KLF4: variants seen among roughly 807,000 people sequenced by gnomAD.
KLF4 encodes KLF transcription factor 4, also known as Krueppel-like factor 4.
In KLF4, 14 loss-of-function variants were observed where a neutral mutation model predicts 38.0. The ratio of observed to expected loss-of-function variants is 0.37; its 90% CI spans 0.24 to 0.58. The LOEUF (loss-of-function observed/expected upper bound fraction) is 0.58. KLF4 is among the 20% of genes least tolerant of loss of function. The pLI is 0.76. For missense variants in KLF4, 737 were observed against 670.1 expected (o/e 1.10, Z -1.10); for synonymous variants, 398 against 302.5 (o/e 1.32, Z -3.28).
chr9:107,488,532 C>A lies in KLF4; in HGVS notation c.127-265G>T. The A allele has an allele frequency of 1.8e-6, 1 of 550,408 alleles. No homozygotes were observed. Among genetic ancestry groups the A allele is most frequent in the South Asian group, 2.7e-5 (1 of 37,192 alleles). The allele number at this position is 550,408 out of a possible 1,614,324, so 34.1% of individuals were successfully genotyped here. Reference sequence around the variant, plus strand: ...GCGCCGCGGCTGGTCCCTCCCCCTCCAGGTCCCGTGGACGTCCCCGGAATT... The same window carrying A: ...GCGCCGCGGCTGGTCCCTCCCCCTCAAGGTCCCGTGGACGTCCCCGGAATT... On this transcript the variant is annotated intron_variant, in intron 2 of 4. Transcript: ENST00000374672. This position sits in a 1 kb window ranked among gnomAD's most constrained non-coding sequence, Gnocchi z 5.7.
In KLF4 at chr9:107,485,948, A is replaced by T. The variant is rs777967553; in HGVS notation, c.1265-22T>A. On this transcript the variant is annotated intron_variant, in intron 4 of 4. Transcript: ENST00000374672. The surrounding 1 kb of genome is among the most constrained non-coding windows in gnomAD (Gnocchi z 4.9). ...TCACCTGTAAAGGTAAAAGAAAAAA[A>T]AAATTGACGCTATTGCTATATCAAA... 1 of 1,597,670 alleles carries T rather than the reference A, an allele frequency of 6.3e-7. No individual in the cohort carries two copies. Among genetic ancestry groups the T allele is most frequent in the South Asian group, 1.1e-5 (1 of 87,540 alleles).
chr9:107,488,791 C>G lies in KLF4; in HGVS notation c.126+139G>C. 8.2e-7 allele frequency: 1 copy of G among 1,217,044 alleles called. No individual in the cohort carries two copies. Among genetic ancestry groups the G allele is most frequent in the Non-Finnish European group, 1.1e-6 (1 of 885,186 alleles). The allele number at this position is 1,217,044 out of a possible 1,614,324, so 75.4% of individuals were successfully genotyped here. A position where few individuals can be genotyped will look rare whatever the true frequency, so the allele number is the denominator to read the frequency against. On this transcript the variant is annotated intron_variant, in intron 2 of 4. Transcript: ENST00000374672. This position sits in a 1 kb window ranked among gnomAD's most constrained non-coding sequence, Gnocchi z 5.7. ...CTGAGCCAAGGACACGGAAGCTATCCCGGGAAGGTTGCGGAGTCCGCGCGG... is the reference window on the plus strand; with the variant it reads ...CTGAGCCAAGGACACGGAAGCTATCGCGGGAAGGTTGCGGAGTCCGCGCGG...
chr9:107,487,419 C>A lies in KLF4; in HGVS notation c.975G>T (p.Leu325=). The A allele has an allele frequency of 6.6e-7, 1 of 1,519,550 alleles. No homozygotes were observed. The highest frequency in any genetic ancestry group is 2.3e-5 in the East Asian group (1 of 43,060). The allele number at this position is 1,519,550 out of a possible 1,614,324, so 94.1% of individuals were successfully genotyped here. The change falls in exon 3 of 5, where the codon CTG becomes CTT. Residue 325 remains leucine (L), a synonymous_variant. Coordinates refer to ENST00000374672, the MANE Select transcript of KLF4 (RefSeq NM_004235.6). The surrounding 1 kb of genome is among the most constrained non-coding windows in gnomAD (Gnocchi z 6.1). ...TTPTLGLEEV[L]SSRDCHPALP... ...GGGCAGGGTGACAGTCCCTGCTGCT[C>A]AGCACTTCCTCAAGACCCAGGGTCG...
Position 107,488,248 on chromosome 9 carries a change from G to T in KLF4, c.146C>A (p.Ser49Tyr). The T allele has an allele frequency of 6.2e-7, 1 of 1,607,346 alleles. No individual in the cohort carries two copies. Among genetic ancestry groups the T allele is most frequent in the South Asian group, 1.1e-5 (1 of 90,780 alleles). The change falls in exon 3 of 5, where the codon TCC becomes TAC. Residue 49 changes from serine to tyrosine, a missense_variant. Coordinates refer to ENST00000374672, the MANE Select transcript of KLF4 (RefSeq NM_004235.6). This position sits in a 1 kb window ranked among gnomAD's most constrained non-coding sequence, Gnocchi z 5.7. The stretch of plus-strand genomic sequence containing the variant: ...CACTGGGGGAAGTCGCTTCATGTGG[G>T]AGAGCTCCTCCCGCCAGCGCTGCGG... ...APNNRWREEL[S>Y]HMKRLPPVLP...
rs1564295424 is a variant in KLF4 at position 107,488,511 on chromosome 9, C to T, written c.127-244G>A. 4 of 636,100 alleles carry T rather than the reference C, an allele frequency of 6.3e-6. No individual in the cohort carries two copies. The highest frequency in any genetic ancestry group is 3.5e-5 in the Admixed American group (1 of 28,344). 39.4% of individuals were successfully genotyped at this position (636,100 alleles called of 1,614,324 possible). A position where few individuals can be genotyped will look rare whatever the true frequency, so the allele number is the denominator to read the frequency against. ...TGCCCAATTGCGTGTGAGCGAGCGC[C>T]GCGGCTGGTCCCTCCCCCTCCAGGT... On this transcript the variant is annotated intron_variant, in intron 2 of 4. Transcript: ENST00000374672. The surrounding 1 kb of genome is among the most constrained non-coding windows in gnomAD (Gnocchi z 5.7).
chr9:107,489,084 T>C, intron 1 of KLF4, 34 bp from the exon 2 acceptor site: 1 of 1,550,734 alleles, frequency 6.4e-7, no homozygotes, highest in Non-Finnish European at 8.7e-7. Context: ...GACAGGAGAG[T>C]CAGGGGCGGC....
chr9:107,488,477 T>C lies in KLF4; in HGVS notation c.127-210A>G, dbSNP rs558648296. 4.7e-6 allele frequency: 4 copies of C among 858,406 alleles called. No individual in the cohort carries two copies. The highest frequency in any genetic ancestry group is 3.7e-5 in the South Asian group (2 of 53,672). 53.2% of individuals were successfully genotyped at this position (858,406 alleles called of 1,614,324 possible). A position where few individuals can be genotyped will look rare whatever the true frequency, so the allele number is the denominator to read the frequency against. ...TGATGCGTCTGTATTGCGGGTGTTATGTCCTGTCTGCCCAATTGCGTGTGA... is the reference window on the plus strand; with the variant it reads ...TGATGCGTCTGTATTGCGGGTGTTACGTCCTGTCTGCCCAATTGCGTGTGA... On this transcript the variant is annotated intron_variant, in intron 2 of 4. Coordinates refer to ENST00000374672, the MANE Select transcript of KLF4 (RefSeq NM_004235.6). This position sits in a 1 kb window ranked among gnomAD's most constrained non-coding sequence, Gnocchi z 5.7.
chr9:107,485,891 C>T lies in KLF4; in HGVS notation c.1300G>A (p.Gly434Arg). The change falls in exon 5 of 5, where the codon GGA becomes AGA. Residue 434 changes from glycine to arginine, a missense_variant. Transcript: ENST00000374672. This position sits in a 1 kb window ranked among gnomAD's most constrained non-coding sequence, Gnocchi z 4.9. Reference sequence around the variant, plus strand: ...TCATCTGAGCGGGCGAATTTCCATCCACAGCCGTCCCAGTCACAGTGGTAA... The same window carrying T: ...TCATCTGAGCGGGCGAATTTCCATCTACAGCCGTCCCAGTCACAGTGGTAA... Reference protein sequence around the residue: ...KPYHCDWDGCGWKFARSDELT... With the variant: ...KPYHCDWDGCRWKFARSDELT... 1 of 1,611,600 alleles carries T rather than the reference C, an allele frequency of 6.2e-7. No individual in the cohort carries two copies. The highest frequency in any genetic ancestry group is 8.5e-7 in the Non-Finnish European group (1 of 1,179,182).
chr9:107,487,734 C>A lies in KLF4; in HGVS notation c.660G>T (p.Pro220=), dbSNP rs200477740. Residue 220 remains proline (P), a synonymous_variant, in exon 3 of 5, where the codon CCG becomes CCT. Transcript: ENST00000374672. The surrounding 1 kb of genome is among the most constrained non-coding windows in gnomAD (Gnocchi z 6.1). ...PVYIPPQQPQ[P]PGGGLMGKFV... ...ACTTGCCCATCAGCCCGCCACCTGGCGGCTGCGGCTGCTGCGGCGGAATGT... is the reference window on the plus strand; with the variant it reads ...ACTTGCCCATCAGCCCGCCACCTGGAGGCTGCGGCTGCTGCGGCGGAATGT... 15 of 1,586,362 alleles carry A rather than the reference C, an allele frequency of 9.5e-6. No individual in the cohort carries two copies. The highest frequency in any genetic ancestry group is 4.0e-5 in the African/African-American group (3 of 74,452).
In KLF4 at chr9:107,488,097, G is replaced by T. The variant is rs767551221; in HGVS notation, c.297C>A (p.Phe99Leu). The T allele has an allele frequency of 1.9e-6, 3 of 1,613,034 alleles. No homozygotes were observed. The highest frequency in any genetic ancestry group is 1.7e-5 in the Admixed American group (1 of 60,030). ...APLPRRETEE[F>L]NDLLDLDFIL... ...TAAAGTCCAGGTCCAGGAGATCGTTGAACTCCTCGGTCTCTCTCCGAGGTA... is the reference window on the plus strand; with the variant it reads ...TAAAGTCCAGGTCCAGGAGATCGTTTAACTCCTCGGTCTCTCTCCGAGGTA... Residue 99 changes from phenylalanine to leucine, a missense_variant, in exon 3 of 5, where the codon TTC becomes TTA. Phe to Leu is a conservative substitution (Grantham distance 22, BLOSUM62 0). Transcript: ENST00000374672. This position sits in a 1 kb window ranked among gnomAD's most constrained non-coding sequence, Gnocchi z 5.7.
intron 4 of KLF4, 67 bp downstream of exon 4, chr9:107,486,961 G>C (rs530970721): frequency 8.7e-6 from 14 of 1,611,944 alleles, no homozygotes; most frequent in Non-Finnish European, 1.1e-5. Context: ...AGGCACTGAG[G>C]AGTGTCCACT....
chr9:107,485,323 TAAC>T lies in KLF4; in HGVS notation c.*425_*427del, dbSNP rs978794562. On this transcript the variant is annotated 3_prime_UTR_variant, in exon 5 of 5. Transcript: ENST00000374672. This position sits in a 1 kb window ranked among gnomAD's most constrained non-coding sequence, Gnocchi z 4.9. The stretch of plus-strand genomic sequence containing the variant: ...GTACCTGAATTTCTTCCTCTTCTTC[TAAC>T]ATCATAATAATGGCTTTTAGAAGGT... The T allele has an allele frequency of 4.4e-6, 1 of 225,912 alleles. No individual in the cohort carries two copies. The highest frequency in any genetic ancestry group is 2.2e-5 in the African/African-American group (1 of 44,950). 14.0% of individuals were successfully genotyped at this position (225,912 alleles called of 1,614,324 possible). A position where few individuals can be genotyped will look rare whatever the true frequency, so the allele number is the denominator to read the frequency against.
Position 107,487,220 on chromosome 9 carries a change from T to C in KLF4, c.1100-28A>G. The C allele has an allele frequency of 6.2e-7, 1 of 1,611,020 alleles. No homozygotes were observed. The highest frequency in any genetic ancestry group is 8.5e-7 in the Non-Finnish European group (1 of 1,178,278). On this transcript the variant is annotated intron_variant, in intron 3 of 4. Transcript: ENST00000374672. The surrounding 1 kb of genome is among the most constrained non-coding windows in gnomAD (Gnocchi z 6.1). ...AGGGGTGAAGAAGGTGGGGTGAGCATCATCCCGTGTGTCCCGAAGTGGGGC... is the reference window on the plus strand; with the variant it reads ...AGGGGTGAAGAAGGTGGGGTGAGCACCATCCCGTGTGTCCCGAAGTGGGGC...
chr9:107,488,341 G>C lies in KLF4; in HGVS notation c.127-74C>G. ...CACCCGACATACTGACGTGCTGGCG[G>C]GCCACGCGCGACTGCACCGCCCAGA... On this transcript the variant is annotated intron_variant, in intron 2 of 4. Coordinates refer to ENST00000374672, the MANE Select transcript of KLF4 (RefSeq NM_004235.6). This position sits in a 1 kb window ranked among gnomAD's most constrained non-coding sequence, Gnocchi z 5.7. 6.8e-7 allele frequency: 1 copy of C among 1,466,172 alleles called. No individual in the cohort carries two copies. Among genetic ancestry groups the C allele is most frequent in the African/African-American group, 1.4e-5 (1 of 71,114 alleles). The allele number at this position is 1,466,172 out of a possible 1,614,324, so 90.8% of individuals were successfully genotyped here. A position where few individuals can be genotyped will look rare whatever the true frequency, so the allele number is the denominator to read the frequency against.
chr9:107,489,016 C>T lies in KLF4; in HGVS notation c.40G>A (p.Asp14Asn), dbSNP rs1438340936. The stretch of plus-strand genomic sequence containing the variant: ...GTGGAGAAAGATGGGAGCAGCGCGT[C>T]GCTGACAGCCATGTCAGACTCGCCA... ...PPGESDMAVS[D>N]ALLPSFSTFA... Residue 14 changes from aspartate to asparagine, a missense_variant, in exon 2 of 5, where the codon GAC becomes AAC. This residue lies in a region of KLF4 where 695 missense variants were observed against 554.5 expected (regional missense o/e 1.25). Coordinates refer to ENST00000374672, the MANE Select transcript of KLF4 (RefSeq NM_004235.6). 6.4e-7 allele frequency: 1 copy of T among 1,562,574 alleles called. No individual in the cohort carries two copies. The highest frequency in any genetic ancestry group is 1.9e-5 in the Admixed American group (1 of 52,624).
chr9:107,489,316 G>C lies in KLF4; in HGVS notation c.-144C>G. 3 of 1,149,102 alleles carry C rather than the reference G, an allele frequency of 2.6e-6. No homozygotes were observed. Among genetic ancestry groups the C allele is most frequent in the Non-Finnish European group, 3.5e-6 (3 of 861,558 alleles). The allele number at this position is 1,149,102 out of a possible 1,614,324, so 71.2% of individuals were successfully genotyped here. A position where few individuals can be genotyped will look rare whatever the true frequency, so the allele number is the denominator to read the frequency against. Reference sequence around the variant, plus strand: ...TCTTCTTTGGATTAAATATAACTTGGAAGCGTCTTTTTTAAAAAGTTCCTT... The same window carrying C: ...TCTTCTTTGGATTAAATATAACTTGCAAGCGTCTTTTTTAAAAAGTTCCTT... On this transcript the variant is annotated 5_prime_UTR_variant, in exon 1 of 5. Transcript: ENST00000374672.
In KLF4 at chr9:107,488,157, G is replaced by T. The variant is rs754380081; in HGVS notation, c.237C>A (p.Ala79=). The T allele has an allele frequency of 6.2e-7, 1 of 1,612,656 alleles. No individual in the cohort carries two copies. The highest frequency in any genetic ancestry group is 1.7e-5 in the Admixed American group (1 of 60,028). ...GGTTGCTACCGCCGCAAGCCGCACC[G>T]GCTCCGCCGCTCTCCAGGTCTGTGG... ...TVATDLESGG[A]GAACGGSNLA... Residue 79 remains alanine, a synonymous_variant, in exon 3 of 5, where the codon GCC becomes GCA. Coordinates refer to ENST00000374672, the MANE Select transcript of KLF4 (RefSeq NM_004235.6). The surrounding 1 kb of genome is among the most constrained non-coding windows in gnomAD (Gnocchi z 5.7).
chr9:107,488,977 G>A lies in KLF4; in HGVS notation c.79C>T (p.Pro27Ser), dbSNP rs867890436. Residue 27 changes from proline to serine, a missense_variant, in exon 2 of 5, where the codon CCG (proline) becomes TCG (serine). Transcript: ENST00000374672. The surrounding 1 kb of genome is among the most constrained non-coding windows in gnomAD (Gnocchi z 5.7). ...LPSFSTFASG[P>S]AGREKTLRQA... ...CGCAGTGTCTTCTCCCTTCCCGCCGGGCCAGACGCGAACGTGGAGAAAGAT... is the reference window on the plus strand; with the variant it reads ...CGCAGTGTCTTCTCCCTTCCCGCCGAGCCAGACGCGAACGTGGAGAAAGAT... The A allele has an allele frequency of 1.3e-6, 2 of 1,569,582 alleles. No individual in the cohort carries two copies. Among genetic ancestry groups the A allele is most frequent in the East Asian group, 2.4e-5 (1 of 42,426 alleles).
Position 107,487,603 on chromosome 9 carries a change from G to T in KLF4, c.791C>A (p.Ala264Glu). 6.3e-7 allele frequency: 1 copy of T among 1,598,274 alleles called. No homozygotes were observed. ...SPDGSHPVVV[A>E]PYNGGPPRTC... ...GCGCGGCGGCCCGCCGTTGTAGGGC[G>T]CCACCACCACCGGGTGGCTGCCGTC... Residue 264 changes from alanine (A) to glutamate (E), a missense_variant, in exon 3 of 5, where the codon GCG (alanine) becomes GAG (glutamate). By Grantham distance (107) the Ala-to-Glu change is moderately radical. Transcript: ENST00000374672. The surrounding 1 kb of genome is among the most constrained non-coding windows in gnomAD (Gnocchi z 6.1).
Sources: gnomAD v4.1 joint callset for allele counts on GRCh38, gnomAD v4.1.1 for gene constraint, gnomAD v4.1.1 regional missense constraint, Gnocchi (gnomAD v3.1) non-coding constraint, MANE v1.5 for transcripts, NCBI Gene and HGNC (gene_info 2026-07-23, HGNC 2026-07-21) for gene names.